The following MTCL1 variants were observed in gnomAD, a reference collection of about 807,000 sequenced individuals.
MTCL1 encodes microtubule crosslinking factor 1.
A neutral mutation model predicts 141.4 loss-of-function variants in MTCL1; 79 were observed. The observed-to-expected ratio is 0.56, with a 90% CI of 0.47 to 0.67. The LOEUF (loss-of-function observed/expected upper bound fraction) is 0.67. MTCL1 is among the 30% of genes least tolerant of loss of function. The pLI is 0.00. For missense variants in MTCL1, 2,177 were observed against 2,113.9 expected, an observed-to-expected ratio of 1.03 and a Z score of -0.59; for synonymous variants, 914 against 875.8, an observed-to-expected ratio of 1.04 and a Z score of -0.77.
chr18:8,717,070 T>C (rs74381609), upstream of MTCL1, among the ~76,000 whole-genome samples: 3,520 of 152,300 alleles, frequency 0.023, 135 homozygotes, highest in African/African-American at 0.079. Context: ...AAGTGTTCAC[T>C]GGCGCACCTG....
chr18:8,771,759 A>G (rs1387201760), intron 4 of MTCL1, among the ~76,000 whole-genome samples: 4 of 152,208 alleles, frequency 2.6e-5, no homozygotes, highest in African/African-American at 9.6e-5. Flanking sequence ...TTCAATTTGG[A>G]TTCACAAACT....
At chr18:8,785,707 T>C (rs1187770828) in intron 6 of MTCL1, 6 of 558,304 alleles carry the variant, frequency 1.1e-5, no homozygotes, top group Non-Finnish European at 1.9e-5. Context: ...CACCCGCCCC[T>C]TTGCTCATCC....
In MTCL1 at chr18:8,733,779, G is replaced by A. The variant is rs571384854; in HGVS notation, c.357+13283G>A. On this transcript the variant is annotated intron_variant, in intron 4 of 16. Transcript: ENST00000359865. The stretch of plus-strand genomic sequence containing the variant: ...GGCTACAGGAGCGTCCTCGCAGGTG[G>A]GAGTGGGCCGGCCAGCTGGCTGGGT... Among the ~76,000 whole-genome samples the A allele has an allele frequency of 4.8e-4, 73 of 152,274 alleles. 1 individual carries two copies. Among genetic ancestry groups the A allele is most frequent in the African/African-American group, 1.7e-3 (70 of 41,538 alleles).
intron 5 of MTCL1, chr18:8,782,549 G>T (rs377706821): frequency 6.6e-6 from 1 of 152,306 alleles, no homozygotes; most frequent in Non-Finnish European, 1.5e-5. Context: ...AGCATTGCAG[G>T]CTGTGAACAG....
At chr18:8,755,446 G>A (rs572731966) in intron 4 of MTCL1, among the ~76,000 whole-genome samples, 2 of 152,144 alleles carry the variant, frequency 1.3e-5, no homozygotes, top group African/African-American at 4.8e-5. Context: ...GTGTGTGAGT[G>A]TTACTCTTTA....
intron 4 of MTCL1, among the ~76,000 whole-genome samples, chr18:8,754,545 A>G (rs933258499): frequency 6.6e-6 from 1 of 152,220 alleles, no homozygotes; most frequent in Admixed American, 6.5e-5. Context: ...AAGTAAATCC[A>G]TCAAGTGCCT....
At chr18:8,807,345 C>T (rs770609494) in intron 11 of MTCL1, among the ~76,000 whole-genome samples, 7 of 152,176 alleles carry the variant, frequency 4.6e-5, no homozygotes, top group South Asian at 2.1e-4. Context: ...CATCAGAGGA[C>T]GGCCAGGCTG....
chr18:8,712,036 G>C (rs767069653), intron 1 of MTCL1, among the ~76,000 whole-genome samples: 3 of 152,118 alleles, frequency 2.0e-5, no homozygotes, highest in African/African-American at 2.4e-5. Context: ...TGGCATTTAT[G>C]AGCCTATTTT....
At chr18:8,781,892 C>T (rs943637518) in intron 5 of MTCL1, among the ~76,000 whole-genome samples, 1 of 152,168 alleles carries the variant, frequency 6.6e-6, no homozygotes, top group Non-Finnish European at 1.5e-5. Context: ...GTCATCCTCC[C>T]GAGGACGCAC....
intron 7 of MTCL1, among the ~76,000 whole-genome samples, chr18:8,792,365 G>A (rs966058149): frequency 3.9e-5 from 6 of 152,130 alleles, no homozygotes; most frequent in African/African-American, 7.2e-5. Flanking sequence ...GTCTTTAAAC[G>A]TAGTAAGTAC....
chr18:8,705,738 C>T lies in MTCL1; in HGVS notation c.78C>T (p.His26=), dbSNP rs2096056696. The T allele has an allele frequency of 6.6e-6, 8 of 1,205,124 alleles. No individual in the cohort carries two copies. The highest frequency in any genetic ancestry group is 2.1e-6 in the Non-Finnish European group (2 of 970,402). 74.7% of individuals were successfully genotyped at this position (1,205,124 alleles called of 1,614,324 possible). Residue 26 remains histidine (H), a synonymous_variant, in exon 1 of 14, where the codon CAC becomes CAT. Transcript: ENST00000306329. This position sits in a 1 kb window ranked among gnomAD's most constrained non-coding sequence, Gnocchi z 5.2. ...AGCCGCCCGGCCAGCACCACCGCCA[C>T]CACCACCTCCACCCGGTGGCCGAAA...
chr18:8,761,665 T>C (rs1254667224), intron 4 of MTCL1, among the ~76,000 whole-genome samples: 1 of 152,256 alleles, frequency 6.6e-6, no homozygotes, highest in East Asian at 1.9e-4. Context: ...CAGTTCCACA[T>C]GGCTGGGGAG....
At chr18:8,706,672 C>G in exon 1 of MTCL1, 3 of 1,546,426 alleles carry the variant, frequency 1.9e-6, no homozygotes, top group Non-Finnish European at 1.7e-6. Context: ...AGAGCTGCTG[C>G]GGGAGATGGA....
intron 11 of MTCL1, 147 bp downstream of exon 10, chr18:8,807,207 T>TA (rs940346262): frequency 1.1e-4 from 91 of 865,570 alleles, no homozygotes; most frequent in Non-Finnish European, 1.3e-4. Flanking sequence ...TGTCTCTTCT[T>TA]AAAGTGCAGA....
intron 7 of MTCL1, chr18:8,786,734 C>A (rs76334210): frequency 9.8e-5 from 22 of 225,020 alleles, no homozygotes; most frequent in Non-Finnish European, 1.8e-4. Context: ...AAGAGGGGAT[C>A]CCCGAGGAGC....
At chr18:8,718,499 C>A in exon 3 of MTCL1, 1 of 1,614,184 alleles carries the variant, frequency 6.2e-7, no homozygotes, top group Non-Finnish European at 8.5e-7. Flanking sequence ...TTACCAGCTG[C>A]AGGAACTTCG....
chr18:8,712,489 T>C (rs2096099754), upstream of MTCL1, among the ~76,000 whole-genome samples: 1 of 152,228 alleles, frequency 6.6e-6, no homozygotes, highest in Non-Finnish European at 1.5e-5. Context: ...CAGTGCTCTG[T>C]AGCTGAGGTG....
At chr18:8,784,145 A>ATCAGCGAGC (rs756479218) in exon 6 of MTCL1, 1 of 1,613,734 alleles carries the variant, frequency 6.2e-7, no homozygotes, top group Non-Finnish European at 8.5e-7. Context: ...CAGGCTGCAG[A>ATCAGCGAGC]TCAGCGAGCT....
chr18:8,792,851 C>A, intron 7 of MTCL1, 147 bp from the exon 7 acceptor site: 2 of 1,110,162 alleles, frequency 1.8e-6, no homozygotes, highest in South Asian at 1.6e-5. Context: ...CCCAGCGGAG[C>A]TGCCACAGTC....
Sources: gnomAD v4.1 joint callset for allele counts (sites outside exome capture counted in the v4.1 genomes callset) on GRCh38, gnomAD v4.1.1 for gene constraint, Gnocchi (gnomAD v3.1) non-coding constraint, MANE v1.5 for transcripts, NCBI Gene and HGNC (gene_info 2026-07-23, HGNC 2026-07-21) for gene names.